EEF1E1: variants seen among roughly 807,000 people sequenced by gnomAD.
EEF1E1 encodes the protein eukaryotic translation elongation factor 1 epsilon-1.
In EEF1E1, 19 loss-of-function variants were observed where a neutral mutation model predicts 19.9. That is an observed-to-expected ratio of 0.95 (90% confidence interval 0.66 to 1.40). EEF1E1 has a LOEUF of 1.40. EEF1E1 is among the 40% of genes most tolerant of loss of function. The pLI, the probability that EEF1E1 is intolerant of heterozygous loss-of-function variation, is 0.00. For synonymous variants in EEF1E1, 81 were observed against 80.0 expected, an observed-to-expected ratio of 1.01 and a Z score of -0.07; for missense variants, 198 against 202.2, an observed-to-expected ratio of 0.98 and a Z score of 0.13.
At chr6:8,073,575 C>T (rs1757529974) in intron 3 of EEF1E1, 4 of 1,534,032 alleles carry the variant, frequency 2.6e-6, no homozygotes, top group Non-Finnish European at 3.5e-6. Flanking sequence ...CTGATACACA[C>T]TAAATGCTCA....
At chr6:8,099,787 C>CAA (rs749096630) in intron 1 of EEF1E1, among the ~76,000 whole-genome samples, 1,648 of 81,102 alleles carry the variant, frequency 0.02, 24 homozygotes, top group Middle Eastern at 0.036. Flanking sequence ...CACACACACA[C>CAA]ACACAAAAAA....
chr6:8,092,970 GT>G (rs1460321685), intron 2 of EEF1E1, among the ~76,000 whole-genome samples: 1 of 148,336 alleles, frequency 6.7e-6, no homozygotes, highest in Non-Finnish European at 1.5e-5. Context: ...TGCCTCCAGG[GT>G]TCAAGCGATT....
At chr6:8,076,613 A>G (rs1015012100), downstream of EEF1E1, among the ~76,000 whole-genome samples, 9 of 152,054 alleles carry the variant, frequency 5.9e-5, no homozygotes, top group Admixed American at 1.3e-4. Flanking sequence ...ATGAGCCACC[A>G]CGCCCGGCCT....
intron 2 of EEF1E1, among the ~76,000 whole-genome samples, chr6:8,093,108 G>A (rs1215030703): frequency 4.0e-5 from 6 of 151,896 alleles, no homozygotes; most frequent in South Asian, 2.1e-4. Context: ...TCCTGACCTC[G>A]TGATCAGCCT....
At chr6:8,093,717 G>C (rs1393417623) in intron 2 of EEF1E1, among the ~76,000 whole-genome samples, 4 of 151,712 alleles carry the variant, frequency 2.6e-5, no homozygotes, top group African/African-American at 9.7e-5. Context: ...AGGAATACAT[G>C]TAAGTGAATT....
chr6:8,078,311 A>C (rs1757646263), downstream of EEF1E1, among the ~76,000 whole-genome samples: 1 of 150,228 alleles, frequency 6.7e-6, no homozygotes, highest in African/African-American at 2.4e-5. Flanking sequence ...AGCCCAAGGA[A>C]AAGGAAAGAA....
intron 2 of EEF1E1, among the ~76,000 whole-genome samples, chr6:8,090,717 G>A (rs1215455365): frequency 2.0e-5 from 3 of 152,042 alleles, no homozygotes; most frequent in African/African-American, 7.3e-5. Flanking sequence ...TTGCCTCTAG[G>A]TCCTGGCAAC....
intron 3 of EEF1E1, among the ~76,000 whole-genome samples, chr6:8,085,712 T>C (rs1428552331): frequency 6.6e-6 from 1 of 152,224 alleles, no homozygotes; most frequent in Admixed American, 6.5e-5. Flanking sequence ...ATATTTGTAA[T>C]CAAACTTATC....
intron 2 of EEF1E1, 24 bp from the exon 3 acceptor site, chr6:8,090,305 A>T (rs758425775): frequency 1.4e-6 from 2 of 1,414,892 alleles, no homozygotes; most frequent in South Asian, 3.2e-5. Context: ...AAAACAAATA[A>T]ATATTAATGT....
In EEF1E1 at chr6:8,099,751, AACAC is replaced by A. The variant is rs1554099744; in HGVS notation, c.88-2288_88-2285del. On this transcript the variant is annotated intron_variant, in intron 1 of 3. Coordinates refer to ENST00000379715, the MANE Select transcript of EEF1E1 (RefSeq NM_004280.5). ...AACAAGAGTGAAGCTCCGCCTCAAA[AACAC>A]ACACACACACACACACACACACACA... Among the ~76,000 whole-genome samples the A allele has an allele frequency of 3.1e-3, 288 of 92,850 alleles. 4 individuals are homozygous for A. In the East Asian group the frequency reaches 0.039, roughly 13 times the overall value. The allele number at this position is 92,850 out of a possible 152,430, so 60.9% of individuals were successfully genotyped here.
intron 2 of EEF1E1, among the ~76,000 whole-genome samples, chr6:8,092,804 G>A (rs1175177338): frequency 2.8e-5 from 4 of 144,494 alleles, no homozygotes; most frequent in Non-Finnish European, 3.0e-5. Flanking sequence ...AACAATAACA[G>A]TTTTGTATAT....
chr6:8,089,557 C>T (rs1319850851), intron 3 of EEF1E1, among the ~76,000 whole-genome samples: 1 of 152,130 alleles, frequency 6.6e-6, no homozygotes, highest in Non-Finnish European at 1.5e-5. Context: ...TGTTTTTCTG[C>T]CTGCTTTATG....
At chr6:8,077,229 C>CA (rs1393347500), downstream of EEF1E1, among the ~76,000 whole-genome samples, 1 of 152,190 alleles carries the variant, frequency 6.6e-6, no homozygotes, top group Admixed American at 6.5e-5. Context: ...AAGCATGAGT[C>CA]ACTGCCCCTG....
chr6:8,099,794 A>C (rs61154124), intron 1 of EEF1E1, among the ~76,000 whole-genome samples: 6 of 146,108 alleles, frequency 4.1e-5, no homozygotes, highest in Middle Eastern at 3.3e-3. Context: ...ACACACACAA[A>C]AAAAAAACAG....
chr6:8,080,691 C>T (rs139447427), intron 3 of EEF1E1, among the ~76,000 whole-genome samples: 1,591 of 152,308 alleles, frequency 0.01, 32 homozygotes, highest in African/African-American at 0.036. Context: ...AAAGACTTTT[C>T]TCTAAGATAA....
chr6:8,085,367 G>T lies in EEF1E1; in HGVS notation c.384+4819C>A, dbSNP rs140116738. 2.0e-5 allele frequency among the ~76,000 whole-genome samples: 3 copies of T among 151,708 alleles called. No individual in the cohort carries two copies. The East Asian group carries it at 5.8e-4, about 29-fold the overall frequency. ...CGGGTTTTGCCCTGTTGCCTAGGCT[G>T]GTCTTGAACTCCTGGGCTCAAGCTA... On this transcript the variant is annotated intron_variant, in intron 3 of 3. Transcript: ENST00000379715.
Position 8,102,124 on chromosome 6 carries a change from G to C in EEF1E1, c.87+311C>G, listed in dbSNP as rs1471743832. 6 of 1,306,844 alleles carry C rather than the reference G, an allele frequency of 4.6e-6. No homozygotes were observed. The African/African-American group carries it at 9.1e-5, about 20-fold the overall frequency. The allele number at this position is 1,306,844 out of a possible 1,614,324, so 81.0% of individuals were successfully genotyped here. A position where few individuals can be genotyped will look rare whatever the true frequency, so the allele number is the denominator to read the frequency against. ...AAGCCAGTTACTGAATACATTCCAG[G>C]TTGGTCTAAGAGCCCTGTGAGGACC... On this transcript the variant is annotated intron_variant, in intron 1 of 3. Transcript: ENST00000379715.
downstream of EEF1E1, chr6:8,078,764 CCTTA>C (rs544371156): frequency 7.8e-6 from 10 of 1,279,752 alleles, no homozygotes; most frequent in South Asian, 5.1e-5. Context: ...AGGAAACTAA[CCTTA>C]CTGATTGCCA....
At chr6:8,087,894 T>C (rs1294868327) in intron 3 of EEF1E1, among the ~76,000 whole-genome samples, 1 of 152,180 alleles carries the variant, frequency 6.6e-6, no homozygotes, top group Non-Finnish European at 1.5e-5. Flanking sequence ...ATGAGTTCTT[T>C]TTTTTCCACA....
Sources: allele counts gnomAD v4.1 joint callset (sites outside exome capture counted in the v4.1 genomes callset), GRCh38; gene constraint gnomAD v4.1.1; transcripts MANE v1.5; gene names NCBI Gene and HGNC (gene_info 2026-07-23, HGNC 2026-07-21).